The following ARL14EPL variants were observed in gnomAD, a reference collection of about 807,000 sequenced individuals.
The protein encoded by ARL14EPL is ARL14 effector protein-like.
ARL14EPL carries 17 observed loss-of-function variants against 15.9 expected under a neutral mutation model. That is an observed-to-expected ratio of 1.07 (90% CI 0.73 to 1.60). The LOEUF (loss-of-function observed/expected upper bound fraction) is 1.60, where lower values mean the gene tolerates loss of function less well. Ranked by LOEUF, ARL14EPL falls within the 40% of genes most tolerant of loss-of-function variation. ARL14EPL has a pLI of 0.00. For missense variants in ARL14EPL, 214 were observed against 185.9 expected (o/e 1.15, Z -0.88); for synonymous variants, 78 against 63.8 (o/e 1.22, Z -1.06).
chr5:116,050,980 T>A (rs1055691700), intron 1 of ARL14EPL, among the ~76,000 whole-genome samples: 1 of 152,146 alleles, frequency 6.6e-6, no homozygotes, highest in Non-Finnish European at 1.5e-5. Flanking sequence ...TAGAAATTTA[T>A]CAGAAAAGTT....
intron 2 of ARL14EPL, 135 bp downstream of exon 2, chr5:116,051,696 A>T: frequency 2.5e-6 from 2 of 791,726 alleles, no homozygotes; most frequent in Non-Finnish European, 3.9e-6. Context: ...GCCCAGGCTG[A>T]TAGAGCTTTC....
At chr5:116,041,934 T>C (rs1360739969) in intron 1 of ARL14EPL, among the ~76,000 whole-genome samples, 2 of 152,144 alleles carry the variant, frequency 1.3e-5, no homozygotes, top group Non-Finnish European at 2.9e-5. Context: ...GCTCAAGCAA[T>C]CCTCCTGCCT....
chr5:116,041,668 C>G (rs969063061), intron 1 of ARL14EPL, among the ~76,000 whole-genome samples: 3 of 152,144 alleles, frequency 2.0e-5, no homozygotes, highest in Non-Finnish European at 2.9e-5. Flanking sequence ...CTGACACCCC[C>G]ACTAGAGCCC....
rs537554828 is a variant in ARL14EPL at position 116,043,985 on chromosome 5, T to G, written c.-9-7472T>G. ...TTGACTGTGGAAAAGTCTGGTAGGA[T>G]TTTTACAAGCTTTGCATTTTATCAA... is the stretch of plus-strand genomic sequence containing the variant. On this transcript the variant is annotated intron_variant, in intron 1 of 3. Transcript: ENST00000686077. Among the ~76,000 whole-genome samples, 3 of 152,312 alleles carry G rather than the reference T, an allele frequency of 2.0e-5. No homozygotes were observed. The East Asian group carries it at 5.8e-4, about 29-fold the overall frequency.
In ARL14EPL at chr5:116,047,107, T is replaced by C. The variant is rs1749283167; in HGVS notation, c.-9-4350T>C. ...TCTAGAGATACGAGAAATAAATGTC[T>C]GTTGTTTAAGCCACTCAGTCTGTGA... is the stretch of plus-strand genomic sequence containing the variant. On this transcript the variant is annotated intron_variant, in intron 1 of 3. Coordinates refer to ENST00000686077, the MANE Select transcript of ARL14EPL (RefSeq NM_001195581.2). Among the ~76,000 whole-genome samples the C allele has an allele frequency of 2.0e-5, 3 of 152,214 alleles. No homozygotes were observed. The South Asian group carries it at 6.2e-4, about 31-fold the overall frequency.
At chr5:116,036,391 T>C (rs1323809859) in intron 1 of ARL14EPL, among the ~76,000 whole-genome samples, 1 of 117,104 alleles carries the variant, frequency 8.5e-6, no homozygotes, top group Non-Finnish European at 1.7e-5. Flanking sequence ...AGGCAGTGCT[T>C]CGTATAGAAA....
intron 2 of ARL14EPL, among the ~76,000 whole-genome samples, chr5:116,052,976 A>G (rs1749422110): frequency 3.3e-5 from 5 of 151,924 alleles, no homozygotes; most frequent in Admixed American, 3.3e-4. Flanking sequence ...TATCAGTACA[A>G]TATTCGATTG....
intron 1 of ARL14EPL, among the ~76,000 whole-genome samples, chr5:116,045,776 GT>G (rs1561578111): frequency 6.5e-5 from 9 of 138,078 alleles, no homozygotes; most frequent in African/African-American, 2.7e-4. Context: ...GTGTGTGTGT[GT>G]GTGTATGTGT....
intron 1 of ARL14EPL, 63 bp from the exon 2 acceptor site, chr5:116,051,394 C>T: frequency 1.0e-6 from 1 of 986,286 alleles, no homozygotes; most frequent in Middle Eastern, 2.6e-4. Context: ...AAAGAATCAC[C>T]AGATATAGTT....
At chr5:116,042,825 T>A (rs1211859243) in intron 1 of ARL14EPL, among the ~76,000 whole-genome samples, 1 of 152,196 alleles carries the variant, frequency 6.6e-6, no homozygotes, top group Admixed American at 6.5e-5. Context: ...CAGTAAGAAT[T>A]TTCTTATAAT....
At chr5:116,042,994 G>A (rs1171190830) in intron 1 of ARL14EPL, among the ~76,000 whole-genome samples, 1 of 151,864 alleles carries the variant, frequency 6.6e-6, no homozygotes, top group East Asian at 1.9e-4. Flanking sequence ...CATGTACTAT[G>A]TACTACGGTA....
intron 2 of ARL14EPL, among the ~76,000 whole-genome samples, chr5:116,053,034 A>T: frequency 6.6e-6 from 1 of 151,924 alleles, no homozygotes; most frequent in Non-Finnish European, 1.5e-5. Flanking sequence ...TTAATTTCTA[A>T]TTGTCTTTCA....
chr5:116,039,789 A>C (rs757348044), intron 1 of ARL14EPL, among the ~76,000 whole-genome samples: 21 of 152,212 alleles, frequency 1.4e-4, no homozygotes, highest in Non-Finnish European at 2.9e-4. Flanking sequence ...ATAATTACAG[A>C]TGCTGCAGAC....
intron 1 of ARL14EPL, among the ~76,000 whole-genome samples, chr5:116,041,166 A>G (rs975270464): frequency 6.6e-6 from 1 of 152,066 alleles, no homozygotes; most frequent in African/African-American, 2.4e-5. Flanking sequence ...GTTATAATTC[A>G]TGAGCCAATA....
intron 3 of ARL14EPL, among the ~76,000 whole-genome samples, chr5:116,058,102 G>A (rs902747621): frequency 6.6e-6 from 1 of 152,300 alleles, no homozygotes; most frequent in Middle Eastern, 3.4e-3. Context: ...AGCTTACGAT[G>A]TATGATCCTC....
intron 1 of ARL14EPL, among the ~76,000 whole-genome samples, chr5:116,043,466 T>G (rs1452025350): frequency 6.6e-6 from 1 of 152,154 alleles, no homozygotes; most frequent in Non-Finnish European, 1.5e-5. Context: ...ATTTCTGGAC[T>G]TGCAAATTTA....
At chr5:116,045,302 A>G (rs1459986399) in intron 1 of ARL14EPL, among the ~76,000 whole-genome samples, 1 of 152,188 alleles carries the variant, frequency 6.6e-6, no homozygotes, top group Non-Finnish European at 1.5e-5. Flanking sequence ...ATTTGAGGTG[A>G]GTGCTTTTGA....
chr5:116,056,011 T>C (rs917030172), intron 3 of ARL14EPL, among the ~76,000 whole-genome samples: 1 of 152,208 alleles, frequency 6.6e-6, no homozygotes, highest in African/African-American at 2.4e-5. Flanking sequence ...TATTCCATGG[T>C]GTATATGTGC....
intron 3 of ARL14EPL, among the ~76,000 whole-genome samples, chr5:116,057,121 A>G (rs1455176124): frequency 6.6e-6 from 1 of 152,258 alleles, no homozygotes; most frequent in Non-Finnish European, 1.5e-5. Flanking sequence ...CTGGTTCAAC[A>G]CATGCAAATC....
Sources: allele counts gnomAD v4.1 joint callset (sites outside exome capture counted in the v4.1 genomes callset), GRCh38; gene constraint gnomAD v4.1.1; transcripts MANE v1.5; gene names NCBI Gene and HGNC (gene_info 2026-07-23, HGNC 2026-07-21).